Variants in PRKCZ observed in about 807,000 individuals in gnomAD.
PRKCZ encodes protein kinase C zeta type.
Under a neutral mutation model 79.5 loss-of-function variants are expected in PRKCZ, and 33 were observed. The observed-to-expected ratio is 0.41, with a 90% confidence interval of 0.31 to 0.55. The LOEUF (loss-of-function observed/expected upper bound fraction) is 0.55. Ranked by LOEUF, PRKCZ falls within the 20% of genes least tolerant of loss-of-function variation. PRKCZ has a pLI of 0.19. For missense variants in PRKCZ, 578 were observed against 813.5 expected, an observed-to-expected ratio of 0.71 and a Z score of 3.52; for synonymous variants, 342 against 320.9, an observed-to-expected ratio of 1.07 and a Z score of -0.70.
intron 5 of PRKCZ, 47 bp from the exon 6 acceptor site, chr1:2,144,163 T>TG: frequency 6.5e-7 from 1 of 1,543,658 alleles, no homozygotes; most frequent in Non-Finnish European, 8.8e-7. Flanking sequence ...TCCTCTCCGC[T>TG]GGCCCCTCAG....
rs1312594016 is a variant in PRKCZ at position 2,149,625 on chromosome 1, C to T, written c.687+701C>T. 6.6e-6 allele frequency among the ~76,000 whole-genome samples: 1 copy of T among 152,210 alleles called. No homozygotes were observed. The highest frequency in any genetic ancestry group is 2.4e-5 in the African/African-American group (1 of 41,456). ...CCTCCAATCCCAGCATTTTGGGAGG[C>T]TGCGCACATCGCTTGAGTCCAGGAG... On this transcript the variant is annotated intron_variant, in intron 8 of 17. Coordinates refer to ENST00000378567, the MANE Select transcript of PRKCZ (RefSeq NM_002744.6). The surrounding 1 kb of genome is among the most constrained non-coding windows in gnomAD (Gnocchi z 4.1).
intron 4 of PRKCZ, among the ~76,000 whole-genome samples, chr1:2,114,129 AC>A (rs1418518154): frequency 1.4e-5 from 2 of 147,118 alleles, no homozygotes; most frequent in African/African-American, 2.5e-5. Context: ...AGAGGGCTGC[AC>A]CCCCCCACCC....
At chr1:2,176,004 A>C (rs1009616379) in intron 16 of PRKCZ, among the ~76,000 whole-genome samples, 2 of 152,234 alleles carry the variant, frequency 1.3e-5, no homozygotes, top group Non-Finnish European at 2.9e-5. Flanking sequence ...CAGGACCAGC[A>C]GTCGCAGCGT....
chr1:2,154,169 G>A (rs938123314), intron 9 of PRKCZ, among the ~76,000 whole-genome samples: 3 of 152,192 alleles, frequency 2.0e-5, no homozygotes, highest in East Asian at 1.9e-4. Context: ...AGTCACCGCC[G>A]ACCCACTAGG....
chr1:2,180,351 CGTGGACACCCAGACGAT>C (rs1314957239), intron 16 of PRKCZ, among the ~76,000 whole-genome samples: 1 of 152,168 alleles, frequency 6.6e-6, no homozygotes, highest in Non-Finnish European at 1.5e-5. Context: ...GCCCGGACGA[CGTGGACACCCAGACGAT>C]GTGGACGCAC....
At chr1:2,050,951 C>T in intron 1 of PRKCZ, 1 of 367,434 alleles carries the variant, frequency 2.7e-6, no homozygotes, top group South Asian at 1.5e-4. Flanking sequence ...GCTCCTCGGC[C>T]CGGTCATTGT....
intron 5 of PRKCZ, among the ~76,000 whole-genome samples, chr1:2,138,929 TAAA>T (rs1441281071): frequency 6.6e-6 from 1 of 151,918 alleles, no homozygotes. Context: ...CTCAAATAAA[TAAA>T]AAGAAGAAAC....
At chr1:2,167,513 G>A (rs1014175128) in intron 10 of PRKCZ, among the ~76,000 whole-genome samples, 4 of 152,236 alleles carry the variant, frequency 2.6e-5, no homozygotes, top group Admixed American at 2.0e-4. Flanking sequence ...GGGGGGACAG[G>A]TGGAAGGGAC....
At chr1:2,109,194 C>T (rs1193025157) in intron 4 of PRKCZ, among the ~76,000 whole-genome samples, 1 of 152,220 alleles carries the variant, frequency 6.6e-6, no homozygotes, top group Non-Finnish European at 1.5e-5. Flanking sequence ...GCATGTGGGG[C>T]TGTCTGGGTT....
chr1:2,170,853 C>T (rs994563564), intron 11 of PRKCZ, among the ~76,000 whole-genome samples: 7 of 152,252 alleles, frequency 4.6e-5, no homozygotes, highest in Non-Finnish European at 1.0e-4. Context: ...GATAATGCCC[C>T]GTTGGATGGA....
In PRKCZ at chr1:2,082,646, A is replaced by T. The variant is rs1663768128; in HGVS notation, c.334+23055A>T. Among the ~76,000 whole-genome samples, 1 of 152,096 alleles carries T rather than the reference A, an allele frequency of 6.6e-6. No individual in the cohort carries two copies. The highest frequency in any genetic ancestry group is 2.1e-4 in the South Asian group (1 of 4,832). On this transcript the variant is annotated intron_variant, in intron 4 of 17. Coordinates refer to ENST00000378567, the MANE Select transcript of PRKCZ (RefSeq NM_002744.6). The surrounding 1 kb of genome is among the most constrained non-coding windows in gnomAD (Gnocchi z 4.4). ...AAGTGGAGGGGTTCAGTGAAGGTGG[A>T]GTTGGGCAAGGGCGTACACGGTCGG...
intron 4 of PRKCZ, among the ~76,000 whole-genome samples, chr1:2,069,092 T>A (rs1261073139): frequency 2.0e-5 from 3 of 152,146 alleles, no homozygotes. Flanking sequence ...TTGAACGGCG[T>A]CCGTTCTGCA....
intron 4 of PRKCZ, among the ~76,000 whole-genome samples, chr1:2,110,945 G>A (rs1323370502): frequency 1.3e-5 from 2 of 152,094 alleles, no homozygotes; most frequent in South Asian, 2.1e-4. Context: ...GCTTGCACAC[G>A]TCCCTGCGGC....
In PRKCZ at chr1:2,173,452, G is replaced by T. The variant is rs955047234; in HGVS notation, c.1286-445G>T. On this transcript the variant is annotated intron_variant, in intron 13 of 17. Coordinates refer to ENST00000378567, the MANE Select transcript of PRKCZ (RefSeq NM_002744.6). The surrounding 1 kb of genome is among the most constrained non-coding windows in gnomAD (Gnocchi z 5.7). Reference sequence around the variant, plus strand: ...AGGGTCTCCCACCCCTCATTCGCTGGAACACATTCCCAACAGGTTGACTAC... The same window carrying T: ...AGGGTCTCCCACCCCTCATTCGCTGTAACACATTCCCAACAGGTTGACTAC... 6.6e-6 allele frequency among the ~76,000 whole-genome samples: 1 copy of T among 152,186 alleles called. No individual in the cohort carries two copies. Among genetic ancestry groups the T allele is most frequent in the Non-Finnish European group, 1.5e-5 (1 of 68,034 alleles).
At chr1:2,107,067 A>G (rs1668690658) in intron 4 of PRKCZ, among the ~76,000 whole-genome samples, 1 of 152,230 alleles carries the variant, frequency 6.6e-6, no homozygotes, top group Non-Finnish European at 1.5e-5. Context: ...TGCTTTTGAG[A>G]TCAAAGTTAA....
chr1:2,065,090 A>G (rs1400714146), intron 4 of PRKCZ, among the ~76,000 whole-genome samples: 1 of 151,990 alleles, frequency 6.6e-6, no homozygotes, highest in Non-Finnish European at 1.5e-5. Flanking sequence ...TAAACGTTTT[A>G]TTCTTTTTGA....
intron 10 of PRKCZ, among the ~76,000 whole-genome samples, chr1:2,160,658 C>T (rs1392843637): frequency 6.6e-6 from 1 of 152,150 alleles, no homozygotes; most frequent in Non-Finnish European, 1.5e-5. Context: ...GCCGCAGAAG[C>T]CAGAGGGACC....
At chr1:2,105,236 A>G (rs1571405091) in intron 4 of PRKCZ, among the ~76,000 whole-genome samples, 1 of 151,956 alleles carries the variant, frequency 6.6e-6, no homozygotes, top group Non-Finnish European at 1.5e-5. Context: ...CCAGCAGGTG[A>G]CCCCAGCAGC....
rs765181311 is a variant in PRKCZ, at chr1:2,156,128, A to G, written c.974+36A>G. On this transcript the variant is annotated intron_variant, in intron 10 of 17. Transcript: ENST00000378567. ...GAAGGGTATTTCTGATATTCTGCAG[A>G]TTTCAGATGTGAACTGCACAGAAGC... 37 of 1,556,812 alleles carry G rather than the reference A, an allele frequency of 2.4e-5. No homozygotes were observed. The South Asian group carries it at 2.4e-4, about 10-fold the overall frequency.
Sources: gnomAD v4.1 joint callset for allele counts (sites outside exome capture counted in the v4.1 genomes callset) on GRCh38, gnomAD v4.1.1 for gene constraint, Gnocchi (gnomAD v3.1) non-coding constraint, MANE v1.5 for transcripts, NCBI Gene and HGNC (gene_info 2026-07-23, HGNC 2026-07-21) for gene names.